PRKCA: variants seen among roughly 807,000 people sequenced by gnomAD.
PRKCA encodes protein kinase C alpha.
In PRKCA, 27 loss-of-function variants were observed where a neutral mutation model predicts 87.0. The ratio of observed to expected loss-of-function variants is 0.31; its 90% CI spans 0.23 to 0.43. The LOEUF is 0.43. Among genes scored for constraint, PRKCA ranks in the 20% least tolerant of loss-of-function variants. PRKCA has a pLI of 1.00. For missense variants in PRKCA, 518 were observed against 852.3 expected (o/e 0.61, Z 4.88); for synonymous variants, 329 against 311.1 (o/e 1.06, Z -0.61).
At chr17:66,768,261 T>TTGG (rs777128976) in intron 13 of PRKCA, among the ~76,000 whole-genome samples, 1 of 128,140 alleles carries the variant, frequency 7.8e-6, no homozygotes, top group African/African-American at 3.1e-5. Flanking sequence ...TTTTTTTTTT[T>TTGG]GGGGGGGAGA....
chr17:66,696,263 A>G (rs1327188916), intron 8 of PRKCA, among the ~76,000 whole-genome samples: 1 of 152,344 alleles, frequency 6.6e-6, no homozygotes, highest in Admixed American at 6.5e-5. Flanking sequence ...TCCCAGTTGT[A>G]TGACCTGGGA....
intron 5 of PRKCA, among the ~76,000 whole-genome samples, chr17:66,646,179 A>G (rs1216814891): frequency 6.6e-6 from 1 of 152,122 alleles, no homozygotes; most frequent in Non-Finnish European, 1.5e-5. Flanking sequence ...CACACCTCCT[A>G]CAAACAGCCT....
intron 5 of PRKCA, among the ~76,000 whole-genome samples, chr17:66,656,987 C>T (rs191242834): frequency 6.6e-6 from 1 of 152,198 alleles, no homozygotes; most frequent in East Asian, 1.9e-4. Flanking sequence ...CATGTATACA[C>T]CTGCTCTGAT....
At chr17:66,727,873 G>A (rs1212964602) in intron 8 of PRKCA, among the ~76,000 whole-genome samples, 1 of 152,148 alleles carries the variant, frequency 6.6e-6, no homozygotes, top group African/African-American at 2.4e-5. Context: ...TGCCCACCTG[G>A]AAGTCCTATA....
chr17:66,588,886 C>G (rs977358009), intron 3 of PRKCA, among the ~76,000 whole-genome samples: 17 of 151,992 alleles, frequency 1.1e-4, no homozygotes, highest in African/African-American at 3.1e-4. Flanking sequence ...GGTAATCCAC[C>G]TGTCTCAGTC....
At chr17:66,518,296 T>C (rs1055224401) in intron 3 of PRKCA, among the ~76,000 whole-genome samples, 2 of 152,132 alleles carry the variant, frequency 1.3e-5, no homozygotes, top group Admixed American at 1.3e-4. Context: ...CTTTTCCTTG[T>C]AGTTGGTTGA....
rs887335722 is a variant in PRKCA, at chr17:66,775,588, G to A, written c.1605+1521G>A. 1.5e-5 allele frequency: 15 copies of A among 985,302 alleles called. No homozygotes were observed. In the African/African-American group the frequency reaches 2.6e-4, roughly 17 times the overall value. 61.0% of individuals were successfully genotyped at this position (985,302 alleles called of 1,614,324 possible). On this transcript the variant is annotated intron_variant, in intron 14 of 16. Coordinates refer to ENST00000413366, the MANE Select transcript of PRKCA (RefSeq NM_002737.3). ...TATAATTCCCAGCACTCACATGCTA[G>A]TGCCAAGACCTGTGACTCTCCATAG...
At chr17:66,499,883 C>T (rs1294826696) in intron 3 of PRKCA, among the ~76,000 whole-genome samples, 1 of 152,206 alleles carries the variant, frequency 6.6e-6, no homozygotes, top group African/African-American at 2.4e-5. Flanking sequence ...TTCACACCTG[C>T]ATCCATACTC....
chr17:66,360,042 A>C (rs868670979), intron 2 of PRKCA, among the ~76,000 whole-genome samples: 6 of 152,366 alleles, frequency 3.9e-5, no homozygotes, highest in African/African-American at 1.2e-4. Flanking sequence ...GAAGACAATT[A>C]GATTCTGAGA....
chr17:66,363,875 G>C (rs962237893), intron 2 of PRKCA, among the ~76,000 whole-genome samples: 1 of 152,086 alleles, frequency 6.6e-6, no homozygotes, highest in African/African-American at 2.4e-5. Context: ...GCTAATTTTT[G>C]TATTTTTAGT....
rs1972939899 is a variant in PRKCA, at chr17:66,696,978, C to CTGTG, written c.918+7932_918+7935dup. Among the ~76,000 whole-genome samples the CTGTG allele has an allele frequency of 3.9e-5, 6 of 152,314 alleles. No homozygotes were observed. The South Asian group carries it at 1.2e-3, about 32-fold the overall frequency. Reference sequence around the variant, plus strand: ...CTTGGCCTGACTCCGCCGTAAGCATCTGTGCTCTGCCTTAGAACCTCAAGT... The same window carrying CTGTG: ...CTTGGCCTGACTCCGCCGTAAGCATCTGTGTGTGCTCTGCCTTAGAACCTCAAGT... On this transcript the variant is annotated intron_variant, in intron 8 of 16. Transcript: ENST00000413366.
chr17:66,774,858 A>T, intron 14 of PRKCA: 1 of 985,400 alleles, frequency 1.0e-6, no homozygotes. Flanking sequence ...TGTAATTTTC[A>T]CTGAAGTCCA....
In PRKCA at chr17:66,611,025, G is replaced by T. The variant is rs115492931; in HGVS notation, c.289-30330G>T. On this transcript the variant is annotated intron_variant, in intron 3 of 16. Coordinates refer to ENST00000413366, the MANE Select transcript of PRKCA (RefSeq NM_002737.3). ...ATTTTATCATCCCTGACAAGGAACT[G>T]GGGTCAAAGACCAAATATTAGAACA... is the stretch of plus-strand genomic sequence containing the variant. Among the ~76,000 whole-genome samples, 619 of 152,244 alleles carry T rather than the reference G, an allele frequency of 4.1e-3. 6 individuals carry two copies. Among genetic ancestry groups the T allele is most frequent in the Middle Eastern group, 0.014 (4 of 294 alleles).
Position 66,441,023 on chromosome 17 carries a change from G to A in PRKCA, c.206-55178G>A, listed in dbSNP as rs138271369. Among the ~76,000 whole-genome samples the A allele has an allele frequency of 5.3e-3, 803 of 151,968 alleles. 5 individuals are homozygous for A. The highest frequency in any genetic ancestry group is 0.018 in the African/African-American group (762 of 41,450). Reference sequence around the variant, plus strand: ...TAAAAATACAAAAAATTAGCCGGGCGTGGTAGCAGGCACCTGTAATCCCAG... The same window carrying A: ...TAAAAATACAAAAAATTAGCCGGGCATGGTAGCAGGCACCTGTAATCCCAG... On this transcript the variant is annotated intron_variant, in intron 2 of 16. Transcript: ENST00000413366.
chr17:66,420,362 A>C (rs1349120678), intron 2 of PRKCA, among the ~76,000 whole-genome samples: 2 of 152,140 alleles, frequency 1.3e-5, no homozygotes, highest in East Asian at 3.9e-4. Flanking sequence ...AGCTTTAGTC[A>C]AGAGTCAGAA....
chr17:66,605,063 TCAC>T (rs1970167465), intron 3 of PRKCA, among the ~76,000 whole-genome samples: 1 of 152,186 alleles, frequency 6.6e-6, no homozygotes, highest in African/African-American at 2.4e-5. Context: ...AGAGCACTTG[TCAC>T]GTCATGGTGG....
chr17:66,533,195 A>C lies in PRKCA; in HGVS notation c.288+36912A>C, dbSNP rs777310761. On this transcript the variant is annotated intron_variant, in intron 3 of 16. Transcript: ENST00000413366. ...GATGCCCTAAAACAGCAGTAAAGTC[A>C]TAGGCCCCTTTTTATAAATTTCATG... Among the ~76,000 whole-genome samples the C allele has an allele frequency of 7.2e-5, 11 of 152,342 alleles. 1 individual carries two copies. The highest frequency in any genetic ancestry group is 1.2e-4 in the Non-Finnish European group (8 of 68,032).
At chr17:66,308,356 C>G (rs1331178557) in intron 2 of PRKCA, among the ~76,000 whole-genome samples, 1 of 151,932 alleles carries the variant, frequency 6.6e-6, no homozygotes, top group African/African-American at 2.4e-5. Flanking sequence ...AGGGGCCCCT[C>G]TTTTAGATTT....
At chr17:66,709,182 A>T (rs1181131163) in intron 8 of PRKCA, among the ~76,000 whole-genome samples, 2 of 151,864 alleles carry the variant, frequency 1.3e-5, no homozygotes. Flanking sequence ...TCCCTCTCAA[A>T]TTCTCTCCTG....
Sources: gnomAD v4.1 joint callset for allele counts (sites outside exome capture counted in the v4.1 genomes callset) on GRCh38, gnomAD v4.1.1 for gene constraint, MANE v1.5 for transcripts, NCBI Gene and HGNC (gene_info 2026-07-23, HGNC 2026-07-21) for gene names.